Variants in INO80 observed in about 807,000 individuals in gnomAD.
INO80 encodes the protein INO80 complex ATPase subunit.
INO80 carries 20 observed loss-of-function variants against 203.4 expected under a neutral mutation model. That is an observed-to-expected ratio of 0.10 (90% confidence interval 0.07 to 0.14). The LOEUF (loss-of-function observed/expected upper bound fraction) is 0.14, where lower values mean the gene tolerates loss of function less well. Among genes scored for constraint, INO80 ranks in the 10% least tolerant of loss-of-function variants. The pLI is 1.00. For synonymous variants in INO80, 726 were observed against 685.2 expected, an observed-to-expected ratio of 1.06 and a Z score of -0.93; for missense variants, 1,419 against 1,914.4, an observed-to-expected ratio of 0.74 and a Z score of 4.83.
chr15:40,983,669 C>A (rs1373108684), intron 34 of INO80, 93 bp downstream of exon 34: 3 of 1,084,970 alleles, frequency 2.8e-6, no homozygotes, highest in Non-Finnish European at 4.0e-6. Context: ...AATAAAAATA[C>A]CATTATCCTA....
chr15:41,057,310 G>C (rs566189740), intron 16 of INO80, among the ~76,000 whole-genome samples: 1 of 151,816 alleles, frequency 6.6e-6, no homozygotes, highest in East Asian at 1.9e-4. Flanking sequence ...CAAAAAATTA[G>C]CCCAGCATGG....
At chr15:41,086,389 G>A (rs1240424008) in intron 6 of INO80, among the ~76,000 whole-genome samples, 5 of 152,118 alleles carry the variant, frequency 3.3e-5, no homozygotes, top group South Asian at 2.1e-4. Flanking sequence ...GATGGCTCAC[G>A]CCGGTAATCC....
chr15:41,070,020 C>A (rs987943896), intron 13 of INO80, among the ~76,000 whole-genome samples: 2 of 151,858 alleles, frequency 1.3e-5, no homozygotes, highest in Non-Finnish European at 2.9e-5. Flanking sequence ...TTCAGTTTTA[C>A]GCATTTTTAA....
chr15:41,059,487 T>C (rs1566932806), intron 15 of INO80, among the ~76,000 whole-genome samples: 1 of 149,998 alleles, frequency 6.7e-6, no homozygotes, highest in East Asian at 2.1e-4. Context: ...TAGCCGGGCA[T>C]GGTGTAGCGA....
intron 29 of INO80, among the ~76,000 whole-genome samples, chr15:40,990,852 T>G (rs989942361): frequency 6.6e-6 from 1 of 152,194 alleles, no homozygotes; most frequent in East Asian, 1.9e-4. Flanking sequence ...CAGTGTATTT[T>G]TTTCATCTTT....
chr15:41,054,060 CA>C, intron 18 of INO80, 46 bp from the exon 19 acceptor site: 2 of 1,460,454 alleles, frequency 1.4e-6, no homozygotes. Context: ...AGTGATTTCA[CA>C]AAAACAACAG....
intron 24 of INO80, among the ~76,000 whole-genome samples, chr15:41,037,168 AAAG>A (rs1471586150): frequency 6.7e-6 from 1 of 150,050 alleles, no homozygotes; most frequent in African/African-American, 2.4e-5. Flanking sequence ...AAAAGAACAA[AAAG>A]AGAGAGAAAG....
In INO80 at chr15:41,092,181, C is replaced by T; in HGVS notation, c.383G>A (p.Ser128Asn). ...GCTGGATTCATCACTTAGCAGAATG[C>T]TCTGAAAAGGGTGAAAATAGAAATG... ...KLKKSRKWLK[S>N]ILLSDESSEA... Residue 128 changes from serine (S) to asparagine (N), a missense_variant and splice_region_variant, in exon 5 of 36, where the codon AGC becomes AAC. Transcript: ENST00000648947. 6.3e-7 allele frequency: 1 copy of T among 1,582,826 alleles called. No homozygotes were observed. Among genetic ancestry groups the T allele is most frequent in the Non-Finnish European group, 8.7e-7 (1 of 1,155,958 alleles).
intron 5 of INO80, 124 bp from the exon 6 acceptor site, chr15:41,087,806 G>C (rs1469209142): frequency 3.3e-6 from 3 of 910,942 alleles, no homozygotes; most frequent in Non-Finnish European, 3.1e-6. Context: ...CCCACAAAGA[G>C]ATCAGTAACA....
In INO80 at chr15:40,982,952, C is replaced by T; in HGVS notation, c.4363G>A (p.Gly1455Ser). The change falls in exon 35 of 36, where the codon GGC (glycine) becomes AGC (serine). Residue 1455 changes from glycine to serine, a missense_variant. Physicochemically the swap from Gly to Ser is moderately conservative, Grantham distance 56. This residue lies in a region of INO80 where 214 missense variants were observed against 248.9 expected (regional missense o/e 0.86). Transcript: ENST00000648947. ...GCTCCTGCCATTGCAGCAGCACTGC[C>T]TGCCGTGGACTTTCGGCTCCGGCCC... The part of the protein sequence containing the change: ...GKGRSRKSTA[G>S]SAAAMAGAKA... 1 of 1,614,216 alleles carries T rather than the reference C, an allele frequency of 6.2e-7. No individual in the cohort carries two copies. The highest frequency in any genetic ancestry group is 8.5e-7 in the Non-Finnish European group (1 of 1,180,050).
chr15:41,030,812 T>C (rs2044448225), intron 24 of INO80, among the ~76,000 whole-genome samples: 1 of 152,038 alleles, frequency 6.6e-6, no homozygotes, highest in South Asian at 2.1e-4. Context: ...GTAGCTGGGA[T>C]TACAGGTGTG....
At chr15:41,005,288 T>C (rs1362418458) in intron 28 of INO80, 3 of 234,822 alleles carry the variant, frequency 1.3e-5, no homozygotes, top group Non-Finnish European at 1.6e-5. Context: ...CTATTATCCA[T>C]TGAGGAGGAT....
chr15:41,091,230 T>C (rs553490387), intron 5 of INO80, among the ~76,000 whole-genome samples: 2 of 152,168 alleles, frequency 1.3e-5, no homozygotes, highest in African/African-American at 4.8e-5. Flanking sequence ...AGCCAACTTT[T>C]TGTATTTTTA....
At chr15:40,986,912 C>T (rs908896942) in intron 31 of INO80, among the ~76,000 whole-genome samples, 179 bp downstream of exon 31, 1 of 152,192 alleles carries the variant, frequency 6.6e-6, no homozygotes, top group Non-Finnish European at 1.5e-5. Flanking sequence ...AGATTAGAGG[C>T]GTGAGCCACC....
At chr15:41,098,262 C>T (rs2045755099) in intron 1 of INO80, among the ~76,000 whole-genome samples, 1 of 152,040 alleles carries the variant, frequency 6.6e-6, no homozygotes, top group African/African-American at 2.4e-5. Flanking sequence ...CTAGAAAAAC[C>T]AGGAGAAAAT....
rs369467733 is a variant in INO80, at chr15:40,985,367, T to C, written c.3892A>G (p.Lys1298Glu). Residue 1298 changes from lysine (K) to glutamate (E), a missense_variant, in exon 32 of 36, where the codon AAG becomes GAG. By Grantham distance (56) the Lys-to-Glu change is moderately conservative. This residue lies in a region of INO80 where 214 missense variants were observed against 248.9 expected (regional missense o/e 0.86). Coordinates refer to ENST00000648947, the MANE Select transcript of INO80 (RefSeq NM_017553.3). Reference sequence around the variant, plus strand: ...TCTGCATACTTTTCCCGCTTCCGCTTGCGCTCTTTCACTCGGTTGGTTTCC... The same window carrying C: ...TCTGCATACTTTTCCCGCTTCCGCTCGCGCTCTTTCACTCGGTTGGTTTCC... Reference protein sequence around the residue: ...QEETNRVKERKRKREKYAEKK... With the variant: ...QEETNRVKERERKREKYAEKK... 6.2e-7 allele frequency: 1 copy of C among 1,614,026 alleles called. No individual in the cohort carries two copies. The highest frequency in any genetic ancestry group is 8.5e-7 in the Non-Finnish European group (1 of 1,179,948).
At chr15:41,058,889 A>T in intron 15 of INO80, 108 bp from the exon 16 acceptor site, 1 of 997,970 alleles carries the variant, frequency 1.0e-6, no homozygotes, top group East Asian at 2.5e-5. Flanking sequence ...ACAGCCCTGA[A>T]GATGTGCTTC....
intron 22 of INO80, 35 bp downstream of exon 22, chr15:41,048,177 G>T: frequency 6.5e-7 from 1 of 1,542,948 alleles, no homozygotes; most frequent in South Asian, 1.1e-5. Context: ...GTAAAACCCT[G>T]ACAAACCTAC....
intron 14 of INO80, among the ~76,000 whole-genome samples, chr15:41,061,569 G>A (rs1156620128): frequency 6.6e-6 from 1 of 151,612 alleles, no homozygotes; most frequent in Non-Finnish European, 1.5e-5. Context: ...GTTGCAGTGA[G>A]CCGAGATCGT....
Sources: gnomAD v4.1 joint callset for allele counts (sites outside exome capture counted in the v4.1 genomes callset) on GRCh38, gnomAD v4.1.1 for gene constraint, gnomAD v4.1.1 regional missense constraint, MANE v1.5 for transcripts, NCBI Gene and HGNC (gene_info 2026-07-23, HGNC 2026-07-21) for gene names.